MRPL19: variants seen among roughly 807,000 people sequenced by gnomAD.
MRPL19 encodes mitochondrial ribosomal protein L19, also known as large ribosomal subunit protein bL19m.
In MRPL19, 31 loss-of-function variants were observed where a neutral mutation model predicts 34.0. The observed-to-expected ratio is 0.91, with a 90% CI of 0.68 to 1.23. MRPL19 has a LOEUF of 1.23. Ranked by LOEUF, MRPL19 falls within the 50% of genes most tolerant of loss-of-function variation. MRPL19 has a pLI of 0.00. For synonymous variants in MRPL19, 152 were observed against 127.7 expected, an observed-to-expected ratio of 1.19 and a Z score of -1.28; for missense variants, 384 against 367.6, an observed-to-expected ratio of 1.04 and a Z score of -0.37.
rs115362097 is a variant in MRPL19 at position 75,653,846 on chromosome 2, C to T, written c.476-890C>T. ...GTCTTTTCTATTTCCATAAATGGTA[C>T]CACTCTGCCTACCCACTTACTTTCA... is the stretch of plus-strand genomic sequence containing the variant. On this transcript the variant is annotated intron_variant, in intron 4 of 5. Transcript: ENST00000393909. Among the ~76,000 whole-genome samples, 615 of 152,282 alleles carry T rather than the reference C, an allele frequency of 4.0e-3. 8 individuals are homozygous for T. Among genetic ancestry groups the T allele is most frequent in the Admixed American group, 0.013 (203 of 15,288 alleles).
At position 75,654,906 on chromosome 2, in the gene MRPL19, C is replaced by G. The variant is rs199555877; in HGVS notation, c.646C>G (p.Pro216Ala). ...AGTACAAGAGCCTAACCAAAAAGTT[C>G]CTGTTAATGAGGTATGGGTTATACA... ...PVVQEPNQKV[P>A]VNELKVKMKP... Residue 216 changes from proline to alanine, a missense_variant, in exon 5 of 6, where the codon CCT becomes GCT. By Grantham distance (27) the Pro-to-Ala change is conservative. Transcript: ENST00000393909. 5 of 1,612,554 alleles carry G rather than the reference C, an allele frequency of 3.1e-6. No individual in the cohort carries two copies. The highest frequency in any genetic ancestry group is 3.4e-6 in the Non-Finnish European group (4 of 1,179,314).
At chr2:75,655,030 C>CTTTTTTTTTT (rs35367062) in intron 5 of MRPL19, 34 bp from the exon 6 acceptor site, 3 of 1,156,794 alleles carry the variant, frequency 2.6e-6, no homozygotes, top group Admixed American at 3.3e-5. Flanking sequence ...CTAATTATTG[C>CTTTTTTTTTT]TTTTTTTTTT....
intron 2 of MRPL19, chr2:75,651,881 C>T (rs1573027100): frequency 7.6e-6 from 2 of 262,254 alleles, no homozygotes; most frequent in African/African-American, 4.5e-5. Context: ...AAGGAGATGA[C>T]ACCAAACCCA....
rs1372268884 is a variant in MRPL19, at chr2:75,655,858, A to G, written c.*573A>G. The stretch of plus-strand genomic sequence containing the variant: ...CTGCCAACACATATATTCTTCAACA[A>G]TATATTTAATTTTGAAAAACCTGAA... On this transcript the variant is annotated 3_prime_UTR_variant, in exon 6 of 6. Transcript: ENST00000393909. 6.9e-6 allele frequency: 1 copy of G among 144,858 alleles called. No individual in the cohort carries two copies. The allele number at this position is 144,858 out of a possible 1,614,324, so 9.0% of individuals were successfully genotyped here.
chr2:75,653,774 T>C (rs778145253), intron 4 of MRPL19, among the ~76,000 whole-genome samples: 1 of 152,238 alleles, frequency 6.6e-6, no homozygotes, highest in Non-Finnish European at 1.5e-5. Flanking sequence ...CCAGCATAAG[T>C]TGAAAGCAGA....
intron 1 of MRPL19, 60 bp from the exon 2 acceptor site, chr2:75,647,042 G>A (rs2104120420): frequency 6.6e-7 from 1 of 1,504,362 alleles, no homozygotes; most frequent in Non-Finnish European, 8.9e-7. Context: ...GAGATTGCGG[G>A]GCTCTGCGGG....
Position 75,660,078 on chromosome 2 carries a change from C to T in MRPL19, c.*4793C>T, listed in dbSNP as rs1317665591. 6.6e-6 allele frequency among the ~76,000 whole-genome samples: 1 copy of T among 151,792 alleles called. No homozygotes were observed. Among genetic ancestry groups the T allele is most frequent in the African/African-American group, 2.4e-5 (1 of 41,348 alleles). On this transcript the variant is annotated 3_prime_UTR_variant, in exon 6 of 6. Transcript: ENST00000393909. ...TCCTCAGACTTGATTATTGCAGTTG[C>T]CCTTCTTTTTATTTTTTTCAAGTTT...
chr2:75,652,855 A>T (rs17689803), intron 4 of MRPL19, among the ~76,000 whole-genome samples, 198 bp downstream of exon 4: 2 of 152,172 alleles, frequency 1.3e-5, no homozygotes, highest in Non-Finnish European at 2.9e-5. Flanking sequence ...CTTTCTCTTG[A>T]AGGCTTCTTA....
At chr2:75,648,086 G>A (rs1678259498) in intron 2 of MRPL19, among the ~76,000 whole-genome samples, 1 of 151,752 alleles carries the variant, frequency 6.6e-6, no homozygotes, top group Non-Finnish European at 1.5e-5. Context: ...ATATTCCACG[G>A]ATTTAAATAG....
intron 2 of MRPL19, chr2:75,651,330 C>A: frequency 1.9e-6 from 1 of 527,312 alleles, no homozygotes; most frequent in Non-Finnish European, 3.9e-6. Context: ...GACTTTTCAG[C>A]TCCTACACGA....
chr2:75,648,947 G>A (rs1402775360), intron 2 of MRPL19, among the ~76,000 whole-genome samples: 1 of 152,174 alleles, frequency 6.6e-6, no homozygotes, highest in East Asian at 1.9e-4. Flanking sequence ...AAAAAGAAAT[G>A]TAAGGGGGGC....
chr2:75,652,534 C>T lies in MRPL19; in HGVS notation c.352C>T (p.Arg118Cys), dbSNP rs376571848. Reference protein sequence around the residue: ...IPEFYVGSILRVTTADPYASG... With the variant: ...IPEFYVGSILCVTTADPYASG... The stretch of plus-strand genomic sequence containing the variant: ...TTTTGAATTTGTAGGAAGTATTCTT[C>T]GTGTTACTACAGCTGACCCATATGC... The change falls in exon 4 of 6, where the codon CGT (arginine) becomes TGT (cysteine). Residue 118 changes from arginine to cysteine, a missense_variant. Physicochemically the swap from Arg to Cys is radical, Grantham distance 180. Coordinates refer to ENST00000393909, the MANE Select transcript of MRPL19 (RefSeq NM_014763.4). 19 of 1,610,448 alleles carry T rather than the reference C, an allele frequency of 1.2e-5. No homozygotes were observed. The highest frequency in any genetic ancestry group is 1.6e-4 in the Middle Eastern group (1 of 6,062).
At position 75,655,253 on chromosome 2, in the gene MRPL19, T is replaced by C. The variant is rs780787921; in HGVS notation, c.847T>C (p.Trp283Arg). 52 of 1,613,234 alleles carry C rather than the reference T, an allele frequency of 3.2e-5. 1 individual carries two copies. The East Asian group carries it at 7.8e-4, about 24-fold the overall frequency. The change falls in exon 6 of 6, where the codon TGG becomes CGG. Residue 283 changes from tryptophan (W) to arginine (R), a missense_variant. Trp to Arg is a moderately radical substitution (Grantham distance 101). Coordinates refer to ENST00000393909, the MANE Select transcript of MRPL19 (RefSeq NM_014763.4). ...YDTSKIEAAI[W>R]KEIEASKRS ...TACTTCAAAAATTGAAGCTGCAATA[T>C]GGAAGGAAATTGAAGCGTCGAAAAG...
At position 75,660,714 on chromosome 2, in the gene MRPL19, G is replaced by T. The variant is rs1374532257; in HGVS notation, c.*5429G>T. On this transcript the variant is annotated 3_prime_UTR_variant, in exon 6 of 6. Transcript: ENST00000393909. ...CCAGTCTTTCCAGTCTTTGTAGATTGGTTCTGTGCTGGGCTTTTCCATTAA... is the reference window on the plus strand; with the variant it reads ...CCAGTCTTTCCAGTCTTTGTAGATTTGTTCTGTGCTGGGCTTTTCCATTAA... The T allele has an allele frequency of 6.6e-6, 1 of 152,150 alleles. No individual in the cohort carries two copies. The highest frequency in any genetic ancestry group is 2.4e-5 in the African/African-American group (1 of 41,422). The allele number at this position is 152,150 out of a possible 1,614,324, so 9.4% of individuals were successfully genotyped here. A position where few individuals can be genotyped will look rare whatever the true frequency, so the allele number is the denominator to read the frequency against.
intron 2 of MRPL19, chr2:75,651,437 T>C: frequency 1.9e-6 from 1 of 536,888 alleles, no homozygotes; most frequent in South Asian, 1.4e-5. Context: ...TCCTCTGGAC[T>C]CATCATTGCA....
Position 75,646,834 on chromosome 2 carries a change from C to T in MRPL19, c.27C>T (p.His9=), listed in dbSNP as rs754026770. MAACIAAG[H]WAAMGLGRSF... is the part of the protein sequence containing the mutation. ...TGGCGGCCTGCATTGCAGCGGGGCA[C>T]TGGGCTGCAATGGGCCTAGGCCGGA... is the stretch of plus-strand genomic sequence containing the variant. Residue 9 remains histidine (H), a synonymous_variant, in exon 1 of 6, where the codon CAC becomes CAT. Coordinates refer to ENST00000393909, the MANE Select transcript of MRPL19 (RefSeq NM_014763.4). The T allele has an allele frequency of 5.7e-6, 9 of 1,583,462 alleles. No homozygotes were observed. Among genetic ancestry groups the T allele is most frequent in the Non-Finnish European group, 7.7e-6 (9 of 1,164,820 alleles).
rs1359522937 is a variant in MRPL19 at position 75,654,822 on chromosome 2, C to T, written c.562C>T (p.Leu188=). 6.2e-7 allele frequency: 1 copy of T among 1,613,846 alleles called. No individual in the cohort carries two copies. Among genetic ancestry groups the T allele is most frequent in the Non-Finnish European group, 8.5e-7 (1 of 1,179,852 alleles). Residue 188 remains leucine, a synonymous_variant, in exon 5 of 6, where the codon CTA becomes TTA. Transcript: ENST00000393909. The part of the protein sequence containing the change: ...KLEKRLDDSL[L]YLRDALPEYS... Reference sequence around the variant, plus strand: ...AGAGAAACGGCTGGATGATAGCTTGCTATACTTACGAGATGCCCTTCCTGA... The same window carrying T: ...AGAGAAACGGCTGGATGATAGCTTGTTATACTTACGAGATGCCCTTCCTGA...
intron 4 of MRPL19, 80 bp from the exon 5 acceptor site, chr2:75,654,656 T>C: frequency 7.6e-7 from 1 of 1,321,500 alleles, no homozygotes; most frequent in East Asian, 2.4e-5. Context: ...AATTCCTTTA[T>C]GAAATGCTTT....
At position 75,655,366 on chromosome 2, in the gene MRPL19, A is replaced by G. The variant is rs1558721201; in HGVS notation, c.*81A>G. ...TTTTGAGACCAATTTAATTTCATTTATAAGAACATAGTAATTAAGTGAACT... is the reference window on the plus strand; with the variant it reads ...TTTTGAGACCAATTTAATTTCATTTGTAAGAACATAGTAATTAAGTGAACT... On this transcript the variant is annotated 3_prime_UTR_variant, in exon 6 of 6. Transcript: ENST00000393909. The G allele has an allele frequency of 6.7e-6, 7 of 1,037,548 alleles. No homozygotes were observed. In the South Asian group the frequency reaches 9.7e-5, roughly 14 times the overall value. 64.3% of individuals were successfully genotyped at this position (1,037,548 alleles called of 1,614,324 possible). A position where few individuals can be genotyped will look rare whatever the true frequency, so the allele number is the denominator to read the frequency against.
Sources: gnomAD v4.1 joint callset for allele counts (sites outside exome capture counted in the v4.1 genomes callset) on GRCh38, gnomAD v4.1.1 for gene constraint, MANE v1.5 for transcripts, NCBI Gene and HGNC (gene_info 2026-07-23, HGNC 2026-07-21) for gene names.